MLLT3: variants seen among roughly 807,000 people sequenced by gnomAD.
MLLT3 encodes the protein MLLT3 super elongation complex subunit.
Under a neutral mutation model 53.2 loss-of-function variants are expected in MLLT3, and 4 were observed. The ratio of observed to expected loss-of-function variants is 0.08; its 90% CI spans 0.04 to 0.17. MLLT3 has a LOEUF of 0.17. Among genes scored for constraint, MLLT3 ranks in the 10% least tolerant of loss-of-function variants. MLLT3 has a pLI of 1.00. For missense variants in MLLT3, 569 were observed against 684.0 expected (o/e 0.83, Z 1.87); for synonymous variants, 283 against 230.6 (o/e 1.23, Z -2.06).
At chr9:20,506,938 G>A (rs533262578) in intron 2 of MLLT3, among the ~76,000 whole-genome samples, 26 of 152,282 alleles carry the variant, frequency 1.7e-4, no homozygotes, top group Admixed American at 1.3e-4. Flanking sequence ...TATTTAAGTA[G>A]GGGGTGGGTA....
At chr9:20,387,514 T>C (rs1822069567) in intron 5 of MLLT3, among the ~76,000 whole-genome samples, 1 of 152,190 alleles carries the variant, frequency 6.6e-6, no homozygotes, top group Admixed American at 6.5e-5. Context: ...GCTATGCAGT[T>C]TTCCATTCCT....
At chr9:20,528,192 A>G (rs754911348) in intron 2 of MLLT3, among the ~76,000 whole-genome samples, 8 of 152,266 alleles carry the variant, frequency 5.3e-5, no homozygotes, top group Non-Finnish European at 8.8e-5. Context: ...CTTTATCTCA[A>G]TCACATTAAG....
At chr9:20,609,511 G>A (rs1358811941) in intron 2 of MLLT3, among the ~76,000 whole-genome samples, 1 of 151,902 alleles carries the variant, frequency 6.6e-6, no homozygotes, top group Non-Finnish European at 1.5e-5. Flanking sequence ...CTTCAGAAAA[G>A]CAAATTAAGT....
intron 2 of MLLT3, among the ~76,000 whole-genome samples, chr9:20,597,052 TATAA>T (rs1260009940): frequency 1.3e-5 from 2 of 150,776 alleles, no homozygotes; most frequent in African/African-American, 5.0e-5. Context: ...TTGATGCTAT[TATAA>T]ATAAAATTGT....
chr9:20,536,742 C>T (rs1350950934), intron 2 of MLLT3, among the ~76,000 whole-genome samples: 11 of 151,984 alleles, frequency 7.2e-5, no homozygotes, highest in Non-Finnish European at 4.4e-5. Context: ...ATAAAATCTA[C>T]TGTGTGCATC....
At chr9:20,471,468 T>C (rs1824394289) in intron 2 of MLLT3, among the ~76,000 whole-genome samples, 1 of 152,006 alleles carries the variant, frequency 6.6e-6, no homozygotes, top group South Asian at 2.1e-4. Flanking sequence ...GAAACAAGTT[T>C]ATAAAGATAC....
At chr9:20,573,435 C>T (rs1242516079) in intron 2 of MLLT3, among the ~76,000 whole-genome samples, 1 of 152,162 alleles carries the variant, frequency 6.6e-6, no homozygotes, top group Non-Finnish European at 1.5e-5. Context: ...CCACCTCAGC[C>T]TCCCAAAGTG....
intron 2 of MLLT3, among the ~76,000 whole-genome samples, chr9:20,590,228 G>C (rs1312999716): frequency 6.6e-6 from 1 of 152,114 alleles, no homozygotes; most frequent in Non-Finnish European, 1.5e-5. Context: ...CATCCTAGAA[G>C]TCAGGGTAGA....
chr9:20,621,052 C>G lies in MLLT3; in HGVS notation c.13-218G>C. The stretch of plus-strand genomic sequence containing the variant: ...CGGCTTGGCCCCAGGCGCCCCGGGC[C>G]CCGCATCTACATCGGACAGGATTGT... On this transcript the variant is annotated intron_variant, in intron 1 of 10. Transcript: ENST00000380338. The surrounding 1 kb of genome is among the most constrained non-coding windows in gnomAD (Gnocchi z 7.0). 1 of 687,764 alleles carries G rather than the reference C, an allele frequency of 1.5e-6. No individual in the cohort carries two copies. 42.6% of individuals were successfully genotyped at this position (687,764 alleles called of 1,614,324 possible).
chr9:20,532,255 T>G (rs959697442), intron 2 of MLLT3, among the ~76,000 whole-genome samples: 5 of 151,940 alleles, frequency 3.3e-5, no homozygotes, highest in Admixed American at 1.3e-4. Context: ...AGCAATACTT[T>G]AAAAGATTAC....
chr9:20,374,712 G>T (rs1217858600), intron 5 of MLLT3, among the ~76,000 whole-genome samples: 2 of 152,142 alleles, frequency 1.3e-5, no homozygotes, highest in Non-Finnish European at 2.9e-5. Flanking sequence ...ATAAAAATGA[G>T]ATTGAACAAA....
At chr9:20,574,260 C>T (rs1215406000) in intron 2 of MLLT3, among the ~76,000 whole-genome samples, 2 of 152,134 alleles carry the variant, frequency 1.3e-5, no homozygotes, top group African/African-American at 4.8e-5. Context: ...CACTTAGAGA[C>T]ACAATAAAAG....
At chr9:20,608,032 A>T (rs1820610964) in intron 2 of MLLT3, among the ~76,000 whole-genome samples, 1 of 152,040 alleles carries the variant, frequency 6.6e-6, no homozygotes, top group Non-Finnish European at 1.5e-5. Flanking sequence ...GGAATTATGC[A>T]TGAATTCTCC....
intron 2 of MLLT3, among the ~76,000 whole-genome samples, chr9:20,470,034 AAAAAG>A (rs1253910503): frequency 1.3e-5 from 2 of 152,202 alleles, no homozygotes; most frequent in South Asian, 2.1e-4. Flanking sequence ...TTATTTATAT[AAAAAG>A]AAAAGAAATT....
At chr9:20,534,338 G>GA (rs1186956613) in intron 2 of MLLT3, among the ~76,000 whole-genome samples, 1 of 152,098 alleles carries the variant, frequency 6.6e-6, no homozygotes. Flanking sequence ...TTCAACATCT[G>GA]AAAAAGAGAA....
At chr9:20,458,326 A>T (rs1350345361) in intron 2 of MLLT3, among the ~76,000 whole-genome samples, 1 of 152,170 alleles carries the variant, frequency 6.6e-6, no homozygotes, top group Non-Finnish European at 1.5e-5. Flanking sequence ...AAGAAGATAG[A>T]GTGTCAAGGG....
chr9:20,591,220 G>A (rs1820120944), intron 2 of MLLT3, among the ~76,000 whole-genome samples: 2 of 151,898 alleles, frequency 1.3e-5, no homozygotes, highest in Admixed American at 6.6e-5. Context: ...GTTTACTGGG[G>A]GCCTGACACT....
At chr9:20,521,678 A>G (rs1203114878) in intron 2 of MLLT3, among the ~76,000 whole-genome samples, 1 of 152,214 alleles carries the variant, frequency 6.6e-6, no homozygotes, top group Admixed American at 6.5e-5. Flanking sequence ...AGAAATGGTA[A>G]GAAAATGTGT....
intron 2 of MLLT3, among the ~76,000 whole-genome samples, chr9:20,556,201 T>C (rs1019787203): frequency 1.3e-4 from 20 of 152,236 alleles, no homozygotes; most frequent in African/African-American, 4.6e-4. Flanking sequence ...GAATTTGTAA[T>C]ATAATCATGT....
Sources: allele counts gnomAD v4.1 joint callset (sites outside exome capture counted in the v4.1 genomes callset), GRCh38; gene constraint gnomAD v4.1.1; non-coding constraint Gnocchi (gnomAD v3.1); transcripts MANE v1.5; gene names NCBI Gene and HGNC (gene_info 2026-07-23, HGNC 2026-07-21).